The following POU2F2 variants were observed in gnomAD, a reference collection of about 807,000 sequenced individuals.
The protein encoded by POU2F2 is POU class 2 homeobox 2.
In POU2F2, 14 loss-of-function variants were observed where a neutral mutation model predicts 63.5. The observed-to-expected ratio is 0.22, with a 90% confidence interval of 0.15 to 0.34. POU2F2 has a LOEUF of 0.34. Among genes scored for constraint, POU2F2 ranks in the 10% least tolerant of loss-of-function variants. The pLI is 1.00. For missense variants in POU2F2, 607 were observed against 815.2 expected, an observed-to-expected ratio of 0.74 and a Z score of 3.11; for synonymous variants, 306 against 348.6, an observed-to-expected ratio of 0.88 and a Z score of 1.36.
At chr19:42,174,906 T>C (rs2034843818) in intron 1 of POU2F2, among the ~76,000 whole-genome samples, 1 of 152,146 alleles carries the variant, frequency 6.6e-6, no homozygotes, top group Non-Finnish European at 1.5e-5. Flanking sequence ...ATCCAGGACC[T>C]ACTCCCCAAC....
chr19:42,140,294 C>G (rs2034101024), intron 2 of POU2F2, among the ~76,000 whole-genome samples: 1 of 152,214 alleles, frequency 6.6e-6, no homozygotes, highest in Non-Finnish European at 1.5e-5. Context: ...AGCACCAACT[C>G]TGCAGGCTCA....
chr19:42,098,412 C>CAAAAAAAAAAAAAAAAACAAAAAAA (rs2077004267), intron 7 of POU2F2, among the ~76,000 whole-genome samples: 1 of 56,348 alleles, frequency 1.8e-5, no homozygotes, highest in Non-Finnish European at 3.8e-5. Context: ...GACTCCATCT[C>CAAAAAAAAAAAAAAAAACAAAAAAA]AAAAAAAAAA....
intron 1 of POU2F2, among the ~76,000 whole-genome samples, chr19:42,125,452 C>T (rs1004049039): frequency 2.0e-5 from 3 of 151,884 alleles, no homozygotes; most frequent in African/African-American, 7.3e-5. Context: ...GTTTCCTGGC[C>T]CTGGGGACAG....
upstream of POU2F2, among the ~76,000 whole-genome samples, chr19:42,176,912 AT>A (rs1324015783): frequency 6.6e-6 from 1 of 151,172 alleles, no homozygotes; most frequent in South Asian, 2.1e-4. Flanking sequence ...AGCCGGCTGC[AT>A]TAAGCTTCTT....
intron 7 of POU2F2, 54 bp downstream of exon 7, chr19:42,099,473 T>C: frequency 6.7e-7 from 1 of 1,489,098 alleles, no homozygotes; most frequent in Non-Finnish European, 9.4e-7. Context: ...TTTACCCAGC[T>C]TTCAGCAGGC....
At chr19:42,193,603 G>A (rs1483901246) in intron 1 of POU2F2, among the ~76,000 whole-genome samples, 1 of 152,156 alleles carries the variant, frequency 6.6e-6, no homozygotes, top group East Asian at 1.9e-4. Context: ...TAGTGGAACT[G>A]GTTTTAGATT....
At chr19:42,149,199 G>C (rs1449114433) in intron 2 of POU2F2, among the ~76,000 whole-genome samples, 1 of 152,128 alleles carries the variant, frequency 6.6e-6, no homozygotes, top group Non-Finnish European at 1.5e-5. Context: ...AGCATGACTT[G>C]AGCAAAGCCA....
intron 5 of POU2F2, among the ~76,000 whole-genome samples, chr19:42,103,710 G>A (rs2077230153): frequency 7.3e-6 from 1 of 137,042 alleles, no homozygotes; most frequent in Non-Finnish European, 1.5e-5. Context: ...TCGGCTCACT[G>A]CAAGCTCCGC....
intron 1 of POU2F2, among the ~76,000 whole-genome samples, chr19:42,171,553 G>C (rs926624897): frequency 6.6e-6 from 1 of 151,902 alleles, no homozygotes; most frequent in South Asian, 2.1e-4. Context: ...TTTGGGCATG[G>C]GGGGCAGTGC....
chr19:42,103,823 C>T (rs1339528472), intron 5 of POU2F2, among the ~76,000 whole-genome samples: 3 of 151,796 alleles, frequency 2.0e-5, no homozygotes, highest in Admixed American at 6.6e-5. Context: ...TTATTAGAGA[C>T]GAGGTTTCAC....
At chr19:42,149,651 GAGGT>G in intron 2 of POU2F2, among the ~76,000 whole-genome samples, 1 of 152,240 alleles carries the variant, frequency 6.6e-6, no homozygotes, top group South Asian at 2.1e-4. Context: ...TGCAGATAAA[GAGGT>G]AGAGAGAGAG....
At chr19:42,148,155 C>T (rs1180112254) in intron 2 of POU2F2, among the ~76,000 whole-genome samples, 1 of 152,042 alleles carries the variant, frequency 6.6e-6, no homozygotes, top group Non-Finnish European at 1.5e-5. Flanking sequence ...CTCAGCTGAT[C>T]CTGCCAACCT....
chr19:42,159,018 A>G (rs2034507018), intron 2 of POU2F2, among the ~76,000 whole-genome samples: 1 of 152,228 alleles, frequency 6.6e-6, no homozygotes, highest in Non-Finnish European at 1.5e-5. Context: ...GTCTGTGATC[A>G]TCCCAAAGTG....
At chr19:42,112,477 C>A (rs2031255692) in intron 5 of POU2F2, among the ~76,000 whole-genome samples, 1 of 152,202 alleles carries the variant, frequency 6.6e-6, no homozygotes, top group African/African-American at 2.4e-5. Context: ...TCAAGCAATT[C>A]TCTTGCCTCA....
At chr19:42,195,043 GAGGAAGGA>G (rs1568430793) in intron 1 of POU2F2, among the ~76,000 whole-genome samples, 1 of 70,612 alleles carries the variant, frequency 1.4e-5, no homozygotes, top group Admixed American at 1.5e-4. Context: ...GGGAGGGAGG[GAGGAAGGA>G]AGGGAGGGAG....
intron 2 of POU2F2, among the ~76,000 whole-genome samples, chr19:42,147,780 G>A (rs2034261220): frequency 3.9e-5 from 6 of 152,162 alleles, no homozygotes; most frequent in Admixed American, 3.9e-4. Flanking sequence ...AAAATCCTCT[G>A]CAAATACAAA....
At chr19:42,185,850 C>T (rs1450484340) in intron 1 of POU2F2, among the ~76,000 whole-genome samples, 1 of 152,176 alleles carries the variant, frequency 6.6e-6, no homozygotes, top group African/African-American at 2.4e-5. Flanking sequence ...TAAATCACAA[C>T]ACTATAGTGT....
chr19:42,174,808 C>T (rs2034841744), intron 1 of POU2F2, among the ~76,000 whole-genome samples: 1 of 151,984 alleles, frequency 6.6e-6, no homozygotes, highest in South Asian at 2.1e-4. Flanking sequence ...CCCCTTATAT[C>T]CTGGGGGGTG....
chr19:42,139,776 A>C (rs1172930249), intron 2 of POU2F2, among the ~76,000 whole-genome samples: 1 of 152,116 alleles, frequency 6.6e-6, no homozygotes, highest in Non-Finnish European at 1.5e-5. Context: ...AAGAAACAAG[A>C]ACGGGTGAGA....
Sources: allele counts gnomAD v4.1 joint callset (sites outside exome capture counted in the v4.1 genomes callset), GRCh38; gene constraint gnomAD v4.1.1; transcripts MANE v1.5; gene names NCBI Gene and HGNC (gene_info 2026-07-23, HGNC 2026-07-21).